Variants in MTMR3 observed in about 807,000 individuals in gnomAD.
MTMR3 encodes myotubularin related protein 3.
Under a neutral mutation model 132.4 loss-of-function variants are expected in MTMR3, and 32 were observed. The observed-to-expected ratio is 0.24, with a 90% CI of 0.18 to 0.32. MTMR3 has a LOEUF of 0.32. MTMR3 is among the 10% of genes least tolerant of loss of function. MTMR3 has a pLI of 1.00. For missense variants in MTMR3, 1,216 were observed against 1,489.6 expected (o/e 0.82, Z 3.02); for synonymous variants, 556 against 550.3 (o/e 1.01, Z -0.14).
At chr22:29,979,248 T>A (rs983096955) in intron 5 of MTMR3, 196 bp downstream of exon 5, 2 of 406,678 alleles carry the variant, frequency 4.9e-6, no homozygotes, top group African/African-American at 2.1e-5. Context: ...ATCCCAGCAC[T>A]TTGGGAGGCC....
At position 29,945,543 on chromosome 22, in the gene MTMR3, A is replaced by T. The variant is rs112868265; in HGVS notation, c.-137-11493A>T. Among the ~76,000 whole-genome samples, 1,081 of 123,524 alleles carry T rather than the reference A, an allele frequency of 8.8e-3. 9 individuals are homozygous for T. Among genetic ancestry groups the T allele is most frequent in the Non-Finnish European group, 0.015 (830 of 55,236 alleles). The allele number at this position is 123,524 out of a possible 152,430, so 81.0% of individuals were successfully genotyped here. ...GAGATCCCTGTCTCTATAAAAAATT[A>T]AAAAAAAAAAATGTAGCCAGGCATG... On this transcript the variant is annotated intron_variant, in intron 1 of 19. Coordinates refer to ENST00000401950, the MANE Select transcript of MTMR3 (RefSeq NM_021090.4).
intron 1 of MTMR3, among the ~76,000 whole-genome samples, chr22:29,914,671 C>G (rs2065276757): frequency 6.6e-6 from 1 of 151,770 alleles, no homozygotes; most frequent in South Asian, 2.1e-4. Flanking sequence ...TGTCTCTAAA[C>G]CTAAGGTCAC....
chr22:29,916,431 T>C (rs928065354), intron 1 of MTMR3, among the ~76,000 whole-genome samples: 1 of 152,208 alleles, frequency 6.6e-6, no homozygotes, highest in African/African-American at 2.4e-5. Flanking sequence ...AAGTTTCTGA[T>C]TGGGTTTCCA....
In MTMR3 at chr22:29,978,965, C is replaced by T. The variant is rs1030346326; in HGVS notation, c.123C>T (p.Ser41=). The change falls in exon 5 of 20, where the codon AGC becomes AGT. Residue 41 remains serine, a synonymous_variant. Coordinates refer to ENST00000401950, the MANE Select transcript of MTMR3 (RefSeq NM_021090.4). ...CTTTCCTTGAACTTCATGGAGAGAG[C>T]ACAGAGTTTGTGGGCCGTGCCGAGG... ...QVPFLELHGE[S]TEFVGRAEDA... The T allele has an allele frequency of 2.5e-6, 4 of 1,613,592 alleles. No homozygotes were observed. The highest frequency in any genetic ancestry group is 3.4e-6 in the Non-Finnish European group (4 of 1,179,842).
At chr22:29,991,804 C>A in intron 7 of MTMR3, 134 bp downstream of exon 7, 1 of 891,464 alleles carries the variant, frequency 1.1e-6, no homozygotes, top group South Asian at 2.3e-5. Context: ...CCAGCAAGTG[C>A]GCAGCATTCT....
intron 1 of MTMR3, among the ~76,000 whole-genome samples, chr22:29,925,239 G>A (rs2065492558): frequency 6.6e-6 from 1 of 152,098 alleles, no homozygotes; most frequent in Non-Finnish European, 1.5e-5. Flanking sequence ...GACTATGTTA[G>A]TCAGATCGGT....
rs2067930452 is a variant in MTMR3 at position 30,027,354 on chromosome 22, G to C, written c.*1553G>C. The C allele has an allele frequency of 6.5e-6, 1 of 152,860 alleles. No homozygotes were observed. Among genetic ancestry groups the C allele is most frequent in the Admixed American group, 6.5e-5 (1 of 15,290 alleles). 9.5% of individuals were successfully genotyped at this position (152,860 alleles called of 1,614,324 possible). A position where few individuals can be genotyped will look rare whatever the true frequency, so the allele number is the denominator to read the frequency against. On this transcript the variant is annotated 3_prime_UTR_variant, in exon 20 of 20. Transcript: ENST00000401950. ...AGGTGTGTCTCAGGAAGGTGGTTCT[G>C]TGCATGCCTGGGTGTGGTTAAGGCG...
rs147220288 is a variant in MTMR3 at position 29,948,716 on chromosome 22, A to G, written c.-137-8320A>G. Among the ~76,000 whole-genome samples, 499 of 152,152 alleles carry G rather than the reference A, an allele frequency of 3.3e-3. 4 individuals carry two copies. The highest frequency in any genetic ancestry group is 5.4e-3 in the Non-Finnish European group (367 of 67,990). On this transcript the variant is annotated intron_variant, in intron 1 of 19. Transcript: ENST00000401950. Reference sequence around the variant, plus strand: ...GTGGTAAGATCTAGAAACAAAGCATATTAGAATAAGCAGTGTAAATTTTGC... The same window carrying G: ...GTGGTAAGATCTAGAAACAAAGCATGTTAGAATAAGCAGTGTAAATTTTGC...
chr22:29,932,774 G>A (rs36591), intron 1 of MTMR3, among the ~76,000 whole-genome samples: 120,548 of 152,092 alleles, frequency 0.79, 48,330 homozygotes, highest in East Asian at 0.92. Flanking sequence ...GCTATGTTAT[G>A]TGAAAATAAT....
intron 1 of MTMR3, among the ~76,000 whole-genome samples, chr22:29,895,053 C>T (rs1009348266): frequency 2.0e-5 from 3 of 152,032 alleles, no homozygotes; most frequent in African/African-American, 7.2e-5. Context: ...ACTAAAAATA[C>T]AAAAATTAAC....
chr22:29,929,699 A>T (rs2065602128), intron 1 of MTMR3, among the ~76,000 whole-genome samples: 1 of 152,012 alleles, frequency 6.6e-6, no homozygotes, highest in Non-Finnish European at 1.5e-5. Context: ...TTTTTAGCAG[A>T]GACAGGGTTT....
intron 8 of MTMR3, chr22:30,002,667 T>G: frequency 2.0e-6 from 1 of 488,718 alleles, no homozygotes; most frequent in Non-Finnish European, 3.7e-6. Context: ...AAGTAAACAT[T>G]TAAGGCAACA....
intron 1 of MTMR3, among the ~76,000 whole-genome samples, chr22:29,932,415 G>T (rs1177183470): frequency 6.6e-6 from 1 of 152,092 alleles, no homozygotes; most frequent in African/African-American, 2.4e-5. Flanking sequence ...TTTTCAAAAT[G>T]TTCCTTTTTT....
intron 1 of MTMR3, among the ~76,000 whole-genome samples, chr22:29,884,580 T>TTTA (rs1246201718): frequency 1.2e-4 from 9 of 77,478 alleles, no homozygotes; most frequent in African/African-American, 4.1e-4. Context: ...TTTTTTTTTT[T>TTTA]AAGACAGAAT....
intron 1 of MTMR3, among the ~76,000 whole-genome samples, chr22:29,895,375 G>A (rs992462029): frequency 6.6e-6 from 1 of 152,170 alleles, no homozygotes; most frequent in Non-Finnish European, 1.5e-5. Flanking sequence ...TTTTACCGAT[G>A]AGAAATAAGT....
chr22:29,932,190 G>T (rs1438584711), intron 1 of MTMR3, among the ~76,000 whole-genome samples: 1 of 152,090 alleles, frequency 6.6e-6, no homozygotes, highest in Non-Finnish European at 1.5e-5. Context: ...CACGTATAAG[G>T]TATAGTAACC....
chr22:29,911,218 C>T (rs7291683), intron 1 of MTMR3, among the ~76,000 whole-genome samples: 5,613 of 152,076 alleles, frequency 0.037, 370 homozygotes, highest in African/African-American at 0.13. Context: ...CTTGTTTCTA[C>T]GCAGCATCTC....
intron 1 of MTMR3, among the ~76,000 whole-genome samples, chr22:29,913,107 C>T (rs1393369537): frequency 6.6e-6 from 1 of 151,964 alleles, no homozygotes; most frequent in Non-Finnish European, 1.5e-5. Context: ...TATTATCCAG[C>T]TGTGGTGGTG....
chr22:29,892,258 A>G (rs976021622), intron 1 of MTMR3, among the ~76,000 whole-genome samples: 1 of 152,248 alleles, frequency 6.6e-6, no homozygotes, highest in African/African-American at 2.4e-5. Flanking sequence ...AGGTGGCTGA[A>G]TTTGAAAAGG....
Sources: gnomAD v4.1 joint callset for allele counts (sites outside exome capture counted in the v4.1 genomes callset) on GRCh38, gnomAD v4.1.1 for gene constraint, MANE v1.5 for transcripts, NCBI Gene and HGNC (gene_info 2026-07-23, HGNC 2026-07-21) for gene names.